The following RARB variants were observed in gnomAD, a reference collection of about 807,000 sequenced individuals.
RARB encodes the protein retinoic acid receptor beta.
In RARB, 17 loss-of-function variants were observed where a neutral mutation model predicts 51.9. The observed-to-expected ratio is 0.33, with a 90% CI of 0.22 to 0.49. The LOEUF is 0.49. Among genes scored for constraint, RARB ranks in the 20% least tolerant of loss-of-function variants. The pLI, the probability that RARB is intolerant of heterozygous loss-of-function variation, is 0.99. For missense variants in RARB, 369 were observed against 550.8 expected, an observed-to-expected ratio of 0.67 and a Z score of 3.30; for synonymous variants, 215 against 195.4, an observed-to-expected ratio of 1.10 and a Z score of -0.84.
At chr3:25,546,453 G>A (rs1242076955) in intron 3 of RARB, among the ~76,000 whole-genome samples, 3 of 152,110 alleles carry the variant, frequency 2.0e-5, no homozygotes, top group Admixed American at 2.0e-4. Flanking sequence ...GCGATGAGTG[G>A]TGGGGAGGAG....
intron 3 of RARB, among the ~76,000 whole-genome samples, chr3:25,116,044 A>G (rs1699682240): frequency 6.6e-6 from 1 of 152,158 alleles, no homozygotes; most frequent in Non-Finnish European, 1.5e-5. Context: ...AGCATTCTAT[A>G]TTTCAGAACA....
chr3:25,387,303 A>T (rs1193866679), intron 5 of RARB, among the ~76,000 whole-genome samples: 1 of 152,136 alleles, frequency 6.6e-6, no homozygotes, highest in East Asian at 1.9e-4. Context: ...GTCTTTATTG[A>T]AGAAAATAAA....
At chr3:24,947,949 T>C (rs1463353339) in intron 2 of RARB, among the ~76,000 whole-genome samples, 1 of 152,220 alleles carries the variant, frequency 6.6e-6, no homozygotes, top group Non-Finnish European at 1.5e-5. Flanking sequence ...TACCAATTTT[T>C]TTTTTTTCAG....
In RARB at chr3:25,392,691, G is replaced by C. The variant is rs969216048; in HGVS notation, c.179-68502G>C. 5.3e-5 allele frequency among the ~76,000 whole-genome samples: 8 copies of C among 151,816 alleles called. No homozygotes were observed. In the South Asian group the frequency reaches 6.2e-4, roughly 12 times the overall value. On this transcript the variant is annotated intron_variant, in intron 5 of 11. Coordinates refer to the RARB transcript ENST00000383772. ...AGGTATTTATTTAATTCTCAGCTTG[G>C]TCACTGTAGATGCATAGCAGTGCTA...
At chr3:25,493,703 G>T (rs1188140950) in intron 2 of RARB, among the ~76,000 whole-genome samples, 1 of 152,174 alleles carries the variant, frequency 6.6e-6, no homozygotes. Flanking sequence ...CAACAGCCCA[G>T]TTCACATAGA....
chr3:25,555,336 G>A (rs2125672582), intron 3 of RARB, among the ~76,000 whole-genome samples: 1 of 152,210 alleles, frequency 6.6e-6, no homozygotes, highest in East Asian at 1.9e-4. Flanking sequence ...AATGTCCCCT[G>A]TCGATCTTTC....
intron 2 of RARB, among the ~76,000 whole-genome samples, chr3:25,000,515 C>A (rs894500618): frequency 3.3e-5 from 5 of 151,984 alleles, no homozygotes; most frequent in Non-Finnish European, 7.4e-5. Context: ...ACTTCTTTGA[C>A]CTGCGAGGCT....
At chr3:25,355,597 A>G (rs918799706) in intron 5 of RARB, among the ~76,000 whole-genome samples, 100 of 152,154 alleles carry the variant, frequency 6.6e-4, no homozygotes, top group African/African-American at 2.3e-3. Context: ...AAAAATTGTC[A>G]TTATTCTATA....
intron 5 of RARB, among the ~76,000 whole-genome samples, chr3:25,323,838 C>T (rs1704637369): frequency 6.6e-6 from 1 of 152,184 alleles, no homozygotes; most frequent in African/African-American, 2.4e-5. Context: ...CCCAAGAAGA[C>T]TTCCAGTTAA....
intron 2 of RARB, among the ~76,000 whole-genome samples, chr3:24,866,690 T>C (rs1420361879): frequency 2.0e-5 from 3 of 152,170 alleles, no homozygotes; most frequent in Non-Finnish European, 4.4e-5. Flanking sequence ...ATTCTTTCCT[T>C]CTTGCTTTTC....
At chr3:25,313,391 T>C (rs1704338494) in intron 5 of RARB, among the ~76,000 whole-genome samples, 2 of 152,322 alleles carry the variant, frequency 1.3e-5, no homozygotes, top group South Asian at 4.1e-4. Flanking sequence ...CAAAATTCAT[T>C]ATCAGTACAT....
intron 2 of RARB, among the ~76,000 whole-genome samples, chr3:24,955,487 T>C (rs34101887): frequency 0.13 from 19,059 of 152,248 alleles, 1,392 homozygotes; most frequent in Non-Finnish European, 0.16. Flanking sequence ...AACCACACTC[T>C]TCTATCCAGT....
intron 2 of RARB, among the ~76,000 whole-genome samples, chr3:24,942,603 C>A (rs917760356): frequency 5.9e-5 from 9 of 152,126 alleles, no homozygotes; most frequent in African/African-American, 2.2e-4. Flanking sequence ...CCTAAGTGAC[C>A]TTAGTCAAAT....
At chr3:25,243,157 T>C (rs1702473100) in intron 5 of RARB, among the ~76,000 whole-genome samples, 1 of 152,196 alleles carries the variant, frequency 6.6e-6, no homozygotes, top group Admixed American at 6.5e-5. Flanking sequence ...CAGATCGATT[T>C]TTTATCCTGA....
intron 2 of RARB, among the ~76,000 whole-genome samples, chr3:24,889,546 A>G (rs1042084466): frequency 6.6e-6 from 1 of 152,162 alleles, no homozygotes; most frequent in Non-Finnish European, 1.5e-5. Flanking sequence ...ATCTTTGCCA[A>G]TTTTGGTGCT....
At chr3:25,199,343 T>C (rs1428520256) in intron 5 of RARB, among the ~76,000 whole-genome samples, 1 of 151,968 alleles carries the variant, frequency 6.6e-6, no homozygotes, top group Non-Finnish European at 1.5e-5. Context: ...GGGATGGTTA[T>C]TGGGTATAAA....
chr3:24,917,125 G>T lies in RARB; in HGVS notation c.-380+58373G>T, dbSNP rs577258441. 9.1e-4 allele frequency among the ~76,000 whole-genome samples: 138 copies of T among 152,258 alleles called. 1 individual carries two copies. Among genetic ancestry groups the T allele is most frequent in the South Asian group, 2.3e-3 (11 of 4,818 alleles). ...AAAAATTTTATAATGAAGTCTTGGGGTATGAATTATTTGTGAAATTGGTAC... is the reference window on the plus strand; with the variant it reads ...AAAAATTTTATAATGAAGTCTTGGGTTATGAATTATTTGTGAAATTGGTAC... On this transcript the variant is annotated intron_variant, in intron 2 of 11. Coordinates refer to the RARB transcript ENST00000383772.
At chr3:25,207,481 T>C (rs1471384416) in intron 5 of RARB, among the ~76,000 whole-genome samples, 1 of 152,194 alleles carries the variant, frequency 6.6e-6, no homozygotes, top group Non-Finnish European at 1.5e-5. Flanking sequence ...AGGTTATATA[T>C]CAAACACAGG....
intron 5 of RARB, among the ~76,000 whole-genome samples, chr3:25,332,982 C>G (rs1014345926): frequency 5.3e-5 from 8 of 152,068 alleles, no homozygotes; most frequent in Admixed American, 5.2e-4. Context: ...ATGTGAAGGA[C>G]CTATTCAAGG....
Sources: gnomAD v4.1 joint callset for allele counts (sites outside exome capture counted in the v4.1 genomes callset) on GRCh38, gnomAD v4.1.1 for gene constraint, MANE v1.5 for transcripts, NCBI Gene and HGNC (gene_info 2026-07-23, HGNC 2026-07-21) for gene names.